The following ETV1 variants were observed in gnomAD, a reference collection of about 807,000 sequenced individuals.
ETV1 encodes the protein ETS variant transcription factor 1.
Under a neutral mutation model 62.3 loss-of-function variants are expected in ETV1, and 27 were observed. That is an observed-to-expected ratio of 0.43 (90% confidence interval 0.32 to 0.60). The LOEUF (loss-of-function observed/expected upper bound fraction) is 0.60. Ranked by LOEUF, ETV1 falls within the 20% of genes least tolerant of loss-of-function variation. The pLI, the probability that ETV1 is intolerant of heterozygous loss-of-function variation, is 0.06. For missense variants in ETV1, 605 were observed against 605.8 expected (o/e 1.00, Z 0.01); for synonymous variants, 222 against 199.6 (o/e 1.11, Z -0.94).
chr7:13,904,153 A>C (rs751411450), intron 12 of ETV1, among the ~76,000 whole-genome samples: 27 of 152,228 alleles, frequency 1.8e-4, no homozygotes, highest in Non-Finnish European at 2.9e-4. Flanking sequence ...AAGACCCTAC[A>C]GTCATTGCCT....
intron 6 of ETV1, among the ~76,000 whole-genome samples, chr7:13,944,026 G>A (rs983493895): frequency 6.6e-6 from 1 of 152,118 alleles, no homozygotes; most frequent in African/African-American, 2.4e-5. Context: ...GAGAGGAATG[G>A]CATGTTTGGG....
rs756289251 is a variant in ETV1 at position 13,935,878 on chromosome 7, T to C, written c.384A>G (p.Pro128=). The C allele has an allele frequency of 4.3e-6, 7 of 1,613,686 alleles. No individual in the cohort carries two copies. In the South Asian group the frequency reaches 6.6e-5, roughly 15 times the overall value. The change falls in exon 8 of 14, where the codon CCA becomes CCG. Residue 128 remains proline, a synonymous_variant. Transcript: ENST00000430479. ...LYNVSAYDQK[P]QVGMRPSNPP... ...GGTTGGAGGGCCTCATTCCCACTTG[T>C]GGCTTCTGATCATAGGCACTACCCA...
intron 6 of ETV1, among the ~76,000 whole-genome samples, chr7:13,974,493 C>T (rs1459174833): frequency 6.6e-6 from 1 of 152,150 alleles, no homozygotes; most frequent in Admixed American, 6.5e-5. Context: ...TGCTATTGCA[C>T]AGGGTGGCTT....
intron 7 of ETV1, among the ~76,000 whole-genome samples, chr7:13,936,123 T>A (rs1185467646): frequency 6.6e-6 from 1 of 152,124 alleles, no homozygotes; most frequent in South Asian, 2.1e-4. Flanking sequence ...AGAACAAATA[T>A]TAAATGTGTA....
chr7:13,931,859 G>A (rs749760180), intron 8 of ETV1, 110 bp from the exon 9 acceptor site: 112 of 1,308,536 alleles, frequency 8.6e-5, no homozygotes, highest in Middle Eastern at 7.9e-4. Context: ...CAGCTGACCT[G>A]AAGCGTAAAT....
At chr7:13,930,197 C>T (rs1186005140) in intron 9 of ETV1, among the ~76,000 whole-genome samples, 1 of 152,004 alleles carries the variant, frequency 6.6e-6, no homozygotes, top group African/African-American at 2.4e-5. Context: ...TTTCAAAATA[C>T]CTGAGATGTG....
intron 8 of ETV1, among the ~76,000 whole-genome samples, chr7:13,934,809 C>A (rs185645571): frequency 4.6e-5 from 7 of 152,080 alleles, no homozygotes; most frequent in Admixed American, 1.3e-4. Flanking sequence ...AGTGATGGCT[C>A]GTAGTGGGCC....
intron 9 of ETV1, among the ~76,000 whole-genome samples, chr7:13,915,535 T>A (rs954661439): frequency 1.3e-5 from 2 of 152,310 alleles, no homozygotes; most frequent in African/African-American, 4.8e-5. Context: ...TTTGCTTACT[T>A]CTTCTCATTT....
chr7:13,960,884 C>T (rs976068453), intron 6 of ETV1, among the ~76,000 whole-genome samples: 4 of 152,122 alleles, frequency 2.6e-5, no homozygotes, highest in African/African-American at 9.7e-5. Context: ...GGAGTGGTGG[C>T]TAATGCCTAC....
intron 6 of ETV1, among the ~76,000 whole-genome samples, chr7:13,969,942 T>C (rs577025158): frequency 2.0e-5 from 3 of 152,186 alleles, no homozygotes; most frequent in African/African-American, 7.2e-5. Flanking sequence ...TCCTACTCTG[T>C]ACATAAACTG....
intron 5 of ETV1, among the ~76,000 whole-genome samples, chr7:13,977,702 T>C (rs1781591751): frequency 6.6e-6 from 1 of 152,030 alleles, no homozygotes; most frequent in East Asian, 1.9e-4. Context: ...ATGTCAGAAA[T>C]AGGATGATGG....
chr7:13,979,416 A>G (rs1781765661), intron 5 of ETV1, among the ~76,000 whole-genome samples: 1 of 152,064 alleles, frequency 6.6e-6, no homozygotes, highest in Non-Finnish European at 1.5e-5. Flanking sequence ...TCTGTACATT[A>G]GCATTCTCTC....
intron 4 of ETV1, 150 bp from the exon 5 acceptor site, chr7:13,986,835 A>C: frequency 1.6e-6 from 1 of 635,866 alleles, no homozygotes; most frequent in Non-Finnish European, 2.7e-6. Context: ...GCATAACTTA[A>C]ATATCTCAAT....
At chr7:13,964,172 GAT>G (rs1487245781) in intron 6 of ETV1, among the ~76,000 whole-genome samples, 1 of 152,122 alleles carries the variant, frequency 6.6e-6, no homozygotes, top group Non-Finnish European at 1.5e-5. Flanking sequence ...TGTTCATGAG[GAT>G]GGAGAAAAAC....
rs559227434 is a variant in ETV1, at chr7:13,935,653, A to T, written c.554+55T>A. On this transcript the variant is annotated intron_variant, in intron 8 of 13. Coordinates refer to ENST00000430479, the MANE Select transcript of ETV1 (RefSeq NM_004956.5). Reference sequence around the variant, plus strand: ...TAGGCCTTCAGAATTGTTAATAGAAATTTTTTCCAAGAACGCAAAAAACAG... The same window carrying T: ...TAGGCCTTCAGAATTGTTAATAGAATTTTTTTCCAAGAACGCAAAAAACAG... 9.4e-6 allele frequency: 14 copies of T among 1,494,968 alleles called. No individual in the cohort carries two copies. In the East Asian group the frequency reaches 2.7e-4, roughly 29 times the overall value. 92.6% of individuals were successfully genotyped at this position (1,494,968 alleles called of 1,614,324 possible). A position where few individuals can be genotyped will look rare whatever the true frequency, so the allele number is the denominator to read the frequency against.
chr7:13,989,644 C>G lies in ETV1; in HGVS notation c.-366G>C, dbSNP rs916240011. 1 of 399,046 alleles carries G rather than the reference C, an allele frequency of 2.5e-6. No individual in the cohort carries two copies. Among genetic ancestry groups the G allele is most frequent in the Non-Finnish European group, 4.4e-6 (1 of 226,108 alleles). The allele number at this position is 399,046 out of a possible 1,614,324, so 24.7% of individuals were successfully genotyped here. On this transcript the variant is annotated 5_prime_UTR_variant, in exon 1 of 14. Coordinates refer to ENST00000430479, the MANE Select transcript of ETV1 (RefSeq NM_004956.5). ...CATTAATTATAGCCCAGCACTTCCCCCTTGGAAGCCGAAAGCGCCTCTGAC... is the reference window on the plus strand; with the variant it reads ...CATTAATTATAGCCCAGCACTTCCCGCTTGGAAGCCGAAAGCGCCTCTGAC...
intron 13 of ETV1, chr7:13,900,469 T>C (rs185251078): frequency 2.9e-6 from 1 of 339,650 alleles, no homozygotes; most frequent in Admixed American, 4.7e-5. Flanking sequence ...GTGCTATTAA[T>C]ACTAAAACAA....
At chr7:13,904,273 T>C (rs1782731101) in intron 12 of ETV1, among the ~76,000 whole-genome samples, 1 of 152,170 alleles carries the variant, frequency 6.6e-6, no homozygotes, top group Non-Finnish European at 1.5e-5. Flanking sequence ...TCCCATTGAG[T>C]TGGTTATTAT....
intron 6 of ETV1, among the ~76,000 whole-genome samples, chr7:13,949,865 C>T (rs769053326): frequency 1.3e-4 from 20 of 151,998 alleles, no homozygotes; most frequent in Non-Finnish European, 2.5e-4. Flanking sequence ...GAATTTAGAC[C>T]ATAGCACAGC....
Sources: gnomAD v4.1 joint callset for allele counts (sites outside exome capture counted in the v4.1 genomes callset) on GRCh38, gnomAD v4.1.1 for gene constraint, MANE v1.5 for transcripts, NCBI Gene and HGNC (gene_info 2026-07-23, HGNC 2026-07-21) for gene names.